The following KAZN variants were observed in gnomAD, a reference collection of about 807,000 sequenced individuals.
The protein encoded by KAZN is kazrin, periplakin interacting protein, also known as kazrin.
A neutral mutation model predicts 87.4 loss-of-function variants in KAZN; 40 were observed. The observed-to-expected ratio is 0.46, with a 90% CI of 0.36 to 0.60. The LOEUF is 0.60. Ranked by LOEUF, KAZN falls within the 20% of genes least tolerant of loss-of-function variation. The probability of loss-of-function intolerance (pLI) is 0.00; values close to 1 mark genes in which losing one functional copy is unlikely to be tolerated. For missense variants in KAZN, 898 were observed against 1,073.9 expected, an observed-to-expected ratio of 0.84 and a Z score of 2.29; for synonymous variants, 466 against 458.3, an observed-to-expected ratio of 1.02 and a Z score of -0.22.
intron 5 of KAZN, among the ~76,000 whole-genome samples, chr1:15,059,455 A>C (rs1302799203): frequency 6.6e-6 from 1 of 152,228 alleles, no homozygotes; most frequent in Non-Finnish European, 1.5e-5. Context: ...GCCGTGGCAC[A>C]TCAGGCCACC....
chr1:14,322,805 A>G (rs1168895920), intron 2 of KAZN, among the ~76,000 whole-genome samples: 1 of 152,228 alleles, frequency 6.6e-6, no homozygotes, highest in Non-Finnish European at 1.5e-5. Context: ...GGGAGGAAGC[A>G]TAGCAAATAG....
chr1:14,750,394 T>G lies in KAZN; in HGVS notation c.226+151171T>G, dbSNP rs148162762. ...GTCACCCCATCCTGCAAGCCAATTT[T>G]TTACCTGACTTAACGGAAACGAAGT... is the stretch of plus-strand genomic sequence containing the variant. On this transcript the variant is annotated intron_variant, in intron 1 of 14. Transcript: ENST00000376030. Among the ~76,000 whole-genome samples the G allele has an allele frequency of 7.6e-3, 1,161 of 152,234 alleles. 12 individuals carry two copies. The highest frequency in any genetic ancestry group is 0.026 in the African/African-American group (1,092 of 41,526).
chr1:14,230,289 C>T (rs1304244217), intron 2 of KAZN, among the ~76,000 whole-genome samples: 21 of 152,140 alleles, frequency 1.4e-4, no homozygotes, highest in Non-Finnish European at 2.9e-5. Flanking sequence ...TTGTTTCTTA[C>T]AAAAAACTAA....
Position 14,783,347 on chromosome 1 carries a change from A to T in KAZN, c.227-177337A>T, listed in dbSNP as rs1183935193. Among the ~76,000 whole-genome samples the T allele has an allele frequency of 4.6e-5, 7 of 152,222 alleles. No homozygotes were observed. In the South Asian group the frequency reaches 1.5e-3, roughly 32 times the overall value. The stretch of plus-strand genomic sequence containing the variant: ...TCACCAGCAGGGGCTCCTTTTGCAG[A>T]CTGAGCCACTGCAAGAGGAAGAGCC... On this transcript the variant is annotated intron_variant, in intron 1 of 14. Transcript: ENST00000376030.
At chr1:14,431,664 C>A (rs141245464) in intron 2 of KAZN, among the ~76,000 whole-genome samples, 195 of 152,302 alleles carry the variant, frequency 1.3e-3, no homozygotes, top group African/African-American at 4.5e-3. Flanking sequence ...ACCTTGCTAG[C>A]TGGGTCTTCT....
rs561003587 is a variant in KAZN, at chr1:13,998,936, C to A, written c.91+105180C>A. ...ACATTCTTCTCAGTGCCACATGGCACTTATTCTAAAATTGACCACATAATT... is the reference window on the plus strand; with the variant it reads ...ACATTCTTCTCAGTGCCACATGGCAATTATTCTAAAATTGACCACATAATT... On this transcript the variant is annotated intron_variant, in intron 1 of 16. Transcript: ENST00000636203. 6.8e-4 allele frequency among the ~76,000 whole-genome samples: 103 copies of A among 151,278 alleles called. 1 individual carries two copies. The highest frequency in any genetic ancestry group is 2.2e-3 in the African/African-American group (89 of 41,340).
intron 2 of KAZN, among the ~76,000 whole-genome samples, chr1:14,968,780 A>G (rs1376558594): frequency 6.6e-6 from 1 of 152,040 alleles, no homozygotes; most frequent in Non-Finnish European, 1.5e-5. Flanking sequence ...AAGAAACACA[A>G]CTTTATTATT....
chr1:14,929,937 A>T, intron 1 of KAZN: 3 of 985,378 alleles, frequency 3.0e-6, no homozygotes, highest in Non-Finnish European at 2.4e-6. Flanking sequence ...CAGTTAGAGG[A>T]TATCAATTGT....
At chr1:14,920,678 A>G (rs1658409268) in intron 1 of KAZN, among the ~76,000 whole-genome samples, 1 of 152,132 alleles carries the variant, frequency 6.6e-6, no homozygotes, top group South Asian at 2.1e-4. Flanking sequence ...AAGAATTTCA[A>G]GGCAACAACA....
intron 1 of KAZN, among the ~76,000 whole-genome samples, chr1:14,882,096 C>A (rs1448419636): frequency 6.6e-6 from 1 of 152,164 alleles, no homozygotes; most frequent in African/African-American, 2.4e-5. Context: ...CCAGGTAAGA[C>A]CCATGCTGCT....
At chr1:14,583,533 C>G (rs1019169402) in intron 2 of KAZN, among the ~76,000 whole-genome samples, 1 of 152,172 alleles carries the variant, frequency 6.6e-6, no homozygotes, top group Admixed American at 6.5e-5. Context: ...GCTGGCCTTT[C>G]AGAGGGGTCC....
At chr1:14,098,261 G>T (rs867993278) in intron 1 of KAZN, among the ~76,000 whole-genome samples, 12 of 152,298 alleles carry the variant, frequency 7.9e-5, no homozygotes, top group Middle Eastern at 3.4e-3. Flanking sequence ...ATGCAGACCA[G>T]TCCTGGAACT....
chr1:14,227,360 T>C lies in KAZN; in HGVS notation c.249+46768T>C, dbSNP rs572559129. Among the ~76,000 whole-genome samples, 14 of 152,190 alleles carry C rather than the reference T, an allele frequency of 9.2e-5. 1 individual carries two copies. In the South Asian group the frequency reaches 1.9e-3, roughly 20 times the overall value. On this transcript the variant is annotated intron_variant, in intron 2 of 16. Coordinates refer to the KAZN transcript ENST00000636203. ...CTTCCCCGTGATGTCTGGGGCCTCT[T>C]TGGGGATGGGTCGAGTGCCAGGACC... is the stretch of plus-strand genomic sequence containing the variant.
intron 3 of KAZN, among the ~76,000 whole-genome samples, chr1:15,038,814 G>T (rs1056653100): frequency 4.0e-5 from 4 of 99,308 alleles, no homozygotes; most frequent in African/African-American, 1.8e-4. Context: ...CATTTATTGT[G>T]CACCTACTAT....
chr1:14,272,516 G>A (rs942282474), intron 2 of KAZN, among the ~76,000 whole-genome samples: 4 of 152,152 alleles, frequency 2.6e-5, no homozygotes, highest in Non-Finnish European at 4.4e-5. Flanking sequence ...GCATGTTAGT[G>A]CATGACTTTC....
chr1:14,786,884 G>A (rs1645524836), intron 1 of KAZN, among the ~76,000 whole-genome samples: 1 of 152,192 alleles, frequency 6.6e-6, no homozygotes, highest in African/African-American at 2.4e-5. Context: ...ACAGTGAAGG[G>A]CCATTAGAAG....
At chr1:14,399,503 G>C (rs1000067823) in intron 2 of KAZN, among the ~76,000 whole-genome samples, 1 of 146,844 alleles carries the variant, frequency 6.8e-6, no homozygotes, top group Non-Finnish European at 1.5e-5. Context: ...AGACATCTAG[G>C]ACTCTCTCAG....
chr1:14,787,855 G>A (rs181384971), intron 1 of KAZN, among the ~76,000 whole-genome samples: 20 of 152,150 alleles, frequency 1.3e-4, no homozygotes, highest in South Asian at 4.1e-4. Flanking sequence ...GGTGGAGGCC[G>A]TGGGGAGAAA....
chr1:14,734,515 G>A (rs907231396), intron 1 of KAZN, among the ~76,000 whole-genome samples: 24 of 152,052 alleles, frequency 1.6e-4, no homozygotes, highest in Non-Finnish European at 1.0e-4. Flanking sequence ...GTTTCTCCAT[G>A]TTGGTCAGGC....
Sources: allele counts gnomAD v4.1 joint callset (sites outside exome capture counted in the v4.1 genomes callset), GRCh38; gene constraint gnomAD v4.1.1; transcripts MANE v1.5; gene names NCBI Gene and HGNC (gene_info 2026-07-23, HGNC 2026-07-21).